The following DOCK8 variants were observed in gnomAD, a reference collection of about 807,000 sequenced individuals.
DOCK8 encodes the protein dedicator of cytokinesis 8, also known as dedicator of cytokinesis protein 8.
In DOCK8, 141 loss-of-function variants were observed where a neutral mutation model predicts 245.6. That is an observed-to-expected ratio of 0.57 (90% CI 0.50 to 0.66). DOCK8 has a LOEUF of 0.66. Among genes scored for constraint, DOCK8 ranks in the 30% least tolerant of loss-of-function variants. The pLI is 0.00. For missense variants in DOCK8, 2,965 were observed against 2,603.4 expected (o/e 1.14, Z -3.02); for synonymous variants, 1,168 against 970.2 (o/e 1.20, Z -3.79).
intron 24 of DOCK8, among the ~76,000 whole-genome samples, chr9:394,781 G>A (rs749181050): frequency 5.9e-5 from 9 of 152,176 alleles, no homozygotes; most frequent in Admixed American, 2.0e-4. Flanking sequence ...TCTGTGCCTC[G>A]CCCCACTCAA....
chr9:400,064 T>G (rs56372695), intron 26 of DOCK8, among the ~76,000 whole-genome samples: 1 of 16,218 alleles, frequency 6.2e-5, no homozygotes, highest in Non-Finnish European at 1.1e-4. Context: ...ACCACCTCCT[T>G]CACCATCACC....
rs1481827877 is a variant in DOCK8 at position 282,532 on chromosome 9, C to G, written c.157-3929C>G. Among the ~76,000 whole-genome samples the G allele has an allele frequency of 2.6e-5, 4 of 151,272 alleles. No homozygotes were observed. In the East Asian group the frequency reaches 5.9e-4, roughly 22 times the overall value. ...CTCCTGGGCTCAGTGTTTCTCCCAT[C>G]TCAGCCTTTGGAGTAGCCAGCAGTA... On this transcript the variant is annotated intron_variant, in intron 2 of 47. Transcript: ENST00000432829.
intron 9 of DOCK8, 140 bp downstream of exon 9, chr9:328,311 C>G (rs1373794425): frequency 4.3e-6 from 5 of 1,172,294 alleles, no homozygotes; most frequent in African/African-American, 1.5e-5. Flanking sequence ...CAGTTTACCC[C>G]TTTTCCGTTC....
rs1203860862 is a variant in DOCK8, at chr9:432,311, C to T, written c.4772C>T (p.Pro1591Leu). Residue 1591 changes from proline (P) to leucine (L), a missense_variant, in exon 37 of 48, where the codon CCT (proline) becomes CTT (leucine). By Grantham distance (98) the Pro-to-Leu change is moderately conservative (BLOSUM62 -3). This residue lies in a region of DOCK8 where 2,825 missense variants were observed against 2,453.5 expected (regional missense o/e 1.15). Transcript: ENST00000432829. ...GAGGACACAGCCATGCAGATGACTCCTTTTCCCACCCAGGTACACCGAAGC... is the reference window on the plus strand; with the variant it reads ...GAGGACACAGCCATGCAGATGACTCTTTTTCCCACCCAGGTACACCGAAGC... ...SEEDTAMQMT[P>L]FPTQVEELLC... 1 of 1,613,966 alleles carries T rather than the reference C, an allele frequency of 6.2e-7. No homozygotes were observed.
In DOCK8 at chr9:420,989, A is replaced by C; in HGVS notation, c.4064A>C (p.Gln1355Pro). Residue 1355 changes from glutamine (Q) to proline (P), a missense_variant, in exon 32 of 48, where the codon CAG (glutamine) becomes CCG (proline). By Grantham distance (76) the Gln-to-Pro change is moderately conservative. Around this residue, in one of 3 missense-constraint regions of DOCK8, gnomAD observed 2,825 missense variants for 2,453.5 expected, o/e 1.15. Coordinates refer to ENST00000432829, the MANE Select transcript of DOCK8 (RefSeq NM_203447.4). ...SSDKVSTQVL[Q>P]KSRDVKARLE... ...GACAAAGTCAGTACCCAAGTCCTGC[A>C]GAAGTCAAGGGATGTCAAGGCCCGG... is the stretch of plus-strand genomic sequence containing the variant. 1 of 1,614,250 alleles carries C rather than the reference A, an allele frequency of 6.2e-7. No homozygotes were observed. Among genetic ancestry groups the C allele is most frequent in the Non-Finnish European group, 8.5e-7 (1 of 1,180,046 alleles).
At chr9:359,620 A>T (rs1232443261) in intron 14 of DOCK8, among the ~76,000 whole-genome samples, 1 of 152,190 alleles carries the variant, frequency 6.6e-6, no homozygotes, top group Non-Finnish European at 1.5e-5. Context: ...GATAATCAGA[A>T]GATGTTACTG....
At chr9:372,142 G>T in intron 17 of DOCK8, 43 bp from the exon 18 acceptor site, 3 of 1,504,292 alleles carry the variant, frequency 2.0e-6, no homozygotes, top group Non-Finnish European at 2.8e-6. Context: ...AGAATTATAT[G>T]CTGTAATAAA....
chr9:426,249 A>G (rs2056496456), intron 33 of DOCK8, among the ~76,000 whole-genome samples: 1 of 152,212 alleles, frequency 6.6e-6, no homozygotes, highest in Admixed American at 6.5e-5. Context: ...CCTAGTGGGC[A>G]ATGACCAGTA....
At chr9:278,660 G>C (rs2048454351) in intron 2 of DOCK8, among the ~76,000 whole-genome samples, 1 of 152,208 alleles carries the variant, frequency 6.6e-6, no homozygotes, top group Non-Finnish European at 1.5e-5. Flanking sequence ...AATTCTGAAT[G>C]AACTTGACGG....
At chr9:369,411 G>A (rs1464348271) in intron 15 of DOCK8, 1 of 152,274 alleles carries the variant, frequency 6.6e-6, no homozygotes, top group Non-Finnish European at 1.5e-5. Flanking sequence ...TGGGATTACT[G>A]CATCTAGAGG....
At chr9:286,116 C>T (rs992518421) in intron 2 of DOCK8, among the ~76,000 whole-genome samples, 7 of 152,132 alleles carry the variant, frequency 4.6e-5, no homozygotes, top group Non-Finnish European at 7.4e-5. Context: ...AACATGGCCT[C>T]GGAGAGCCTT....
intron 18 of DOCK8, among the ~76,000 whole-genome samples, 156 bp downstream of exon 18, chr9:372,442 A>G (rs1180592585): frequency 6.6e-6 from 1 of 152,210 alleles, no homozygotes; most frequent in Non-Finnish European, 1.5e-5. Context: ...CTGACTGTGA[A>G]ACCTCATTCT....
intron 3 of DOCK8, among the ~76,000 whole-genome samples, chr9:288,022 CA>C (rs2048893176): frequency 6.7e-6 from 1 of 148,526 alleles, no homozygotes; most frequent in Admixed American, 6.7e-5. Context: ...AAAACAAAAA[CA>C]AAAAACAGTA....
At chr9:226,524 A>C (rs2046993718) in intron 1 of DOCK8, among the ~76,000 whole-genome samples, 1 of 152,192 alleles carries the variant, frequency 6.6e-6, no homozygotes, top group South Asian at 2.1e-4. Flanking sequence ...ACGATGGCAA[A>C]ACTAGAGAGC....
chr9:443,961 A>G (rs2057169859), intron 43 of DOCK8, among the ~76,000 whole-genome samples: 1 of 152,122 alleles, frequency 6.6e-6, no homozygotes, highest in Admixed American at 6.6e-5. Flanking sequence ...CCTTTTTATA[A>G]AACCTTTAAA....
chr9:406,793 T>A, intron 27 of DOCK8, 137 bp from the exon 28 acceptor site: 1 of 1,038,020 alleles, frequency 9.6e-7, no homozygotes, highest in Non-Finnish European at 1.4e-6. Flanking sequence ...TTGTCCGCCT[T>A]ATCTGGCACC....
intron 1 of DOCK8, chr9:215,258 TG>T: frequency 6.2e-7 from 1 of 1,601,042 alleles, no homozygotes; most frequent in Non-Finnish European, 8.5e-7. Context: ...TCGGTGCTCC[TG>T]GATGTCCTCA....
intron 14 of DOCK8, among the ~76,000 whole-genome samples, chr9:354,684 A>T (rs2052340339): frequency 6.6e-6 from 1 of 152,186 alleles, no homozygotes; most frequent in South Asian, 2.1e-4. Context: ...GGCAGGATGC[A>T]GTTGCTCACG....
chr9:292,387 CAAAAAAAAAAAAAAA>C (rs5895837), intron 4 of DOCK8, among the ~76,000 whole-genome samples: 5 of 63,070 alleles, frequency 7.9e-5, no homozygotes, highest in Admixed American at 2.9e-4. Context: ...AACTCCGTCT[CAAAAAAAAAAAAAAA>C]AAAAAAAAAA....
Sources: gnomAD v4.1 joint callset for allele counts (sites outside exome capture counted in the v4.1 genomes callset) on GRCh38, gnomAD v4.1.1 for gene constraint, gnomAD v4.1.1 regional missense constraint, MANE v1.5 for transcripts, NCBI Gene and HGNC (gene_info 2026-07-23, HGNC 2026-07-21) for gene names.